The following ASAH2 variants were observed in gnomAD, a reference collection of about 807,000 sequenced individuals.
The protein encoded by ASAH2 is neutral ceramidase.
A neutral mutation model predicts 82.9 loss-of-function variants in ASAH2; 58 were observed. The observed-to-expected ratio is 0.70, with a 90% CI of 0.57 to 0.87. ASAH2 has a LOEUF of 0.87. Ranked by LOEUF, ASAH2 falls within the 40% of genes least tolerant of loss-of-function variation. The pLI, the probability that ASAH2 is intolerant of heterozygous loss-of-function variation, is 0.00. For missense variants in ASAH2, 779 were observed against 834.0 expected (o/e 0.93, Z 0.81); for synonymous variants, 276 against 289.7 (o/e 0.95, Z 0.48).
At chr10:50,205,249 T>A (rs1390428847) in intron 13 of ASAH2, among the ~76,000 whole-genome samples, 1 of 151,996 alleles carries the variant, frequency 6.6e-6, no homozygotes, top group East Asian at 1.9e-4. Context: ...ACACAATAAA[T>A]AAGGAATTCC....
chr10:50,200,314 A>C (rs1324146603), intron 16 of ASAH2, among the ~76,000 whole-genome samples: 1 of 151,072 alleles, frequency 6.6e-6, no homozygotes, highest in Non-Finnish European at 1.5e-5. Context: ...ATGCAAGACT[A>C]TCCATCAGCT....
intron 12 of ASAH2, among the ~76,000 whole-genome samples, chr10:50,210,039 C>G (rs1292012215): frequency 1.3e-5 from 2 of 151,988 alleles, no homozygotes; most frequent in Non-Finnish European, 2.9e-5. Flanking sequence ...TAGATATATA[C>G]CCAAGAGGAA....
In ASAH2 at chr10:50,248,624, C is replaced by T. The variant is rs1846535736; in HGVS notation, c.-14G>A. On this transcript the variant is annotated 5_prime_UTR_variant, in exon 2 of 21. Coordinates refer to ENST00000682911, the MANE Select transcript of ASAH2 (RefSeq NM_019893.4). ...GCGTTTGGCCATTTCTTCTCAGGTA[C>T]AGCAGAGATGGAAGAAGAAATACTG... 1 of 1,609,788 alleles carries T rather than the reference C, an allele frequency of 6.2e-7. No homozygotes were observed. Among genetic ancestry groups the T allele is most frequent in the South Asian group, 1.1e-5 (1 of 90,060 alleles).
chr10:50,233,780 T>C (rs1846074950), intron 6 of ASAH2, among the ~76,000 whole-genome samples: 1 of 152,142 alleles, frequency 6.6e-6, no homozygotes, highest in Admixed American at 6.6e-5. Flanking sequence ...ACTGTGGTAT[T>C]ATTTTACAGT....
intron 10 of ASAH2, among the ~76,000 whole-genome samples, chr10:50,211,861 G>T (rs887380036): frequency 2.6e-4 from 39 of 152,074 alleles, no homozygotes; most frequent in Admixed American, 1.2e-3. Context: ...AGCAAGACCA[G>T]CTGCAGCCTG....
intron 3 of ASAH2, among the ~76,000 whole-genome samples, 186 bp downstream of exon 3, chr10:50,245,036 T>A (rs1437448766): frequency 2.0e-5 from 3 of 152,076 alleles, no homozygotes; most frequent in Non-Finnish European, 4.4e-5. Flanking sequence ...ACAGGGGAGT[T>A]GTGATTGAAT....
At chr10:50,219,316 T>C (rs1207907481) in intron 7 of ASAH2, among the ~76,000 whole-genome samples, 1 of 152,202 alleles carries the variant, frequency 6.6e-6, no homozygotes, top group Non-Finnish European at 1.5e-5. Flanking sequence ...GTTACCTTAT[T>C]TGAACTTCAC....
In ASAH2 at chr10:50,187,116, TCTCACACACACA is replaced by T. The variant is rs1438453006; in HGVS notation, c.*187_*198del. ...CTCTCTCTCTCTCTCTCTCTCTCTCTCTCACACACACACACACACACACACACACACACACAC... is the reference window on the plus strand; with the variant it reads ...CTCTCTCTCTCTCTCTCTCTCTCTCTCACACACACACACACACACACACAC... On this transcript the variant is annotated 3_prime_UTR_variant, in exon 21 of 21. Transcript: ENST00000682911. 6.7e-3 allele frequency: 1,536 copies of T among 229,544 alleles called. 4 individuals carry two copies. Among genetic ancestry groups the T allele is most frequent in the African/African-American group, 0.053 (1,359 of 25,824 alleles). 14.2% of individuals were successfully genotyped at this position (229,544 alleles called of 1,614,324 possible). A position where few individuals can be genotyped will look rare whatever the true frequency, so the allele number is the denominator to read the frequency against.
intron 18 of ASAH2, among the ~76,000 whole-genome samples, chr10:50,193,916 TGATA>T (rs1844907169): frequency 6.6e-6 from 1 of 150,956 alleles, no homozygotes; most frequent in African/African-American, 2.4e-5. Context: ...ATTCCTAGAA[TGATA>T]CCAATTCCTA....
chr10:50,222,596 C>G (rs966498841), intron 7 of ASAH2, among the ~76,000 whole-genome samples: 82 of 152,002 alleles, frequency 5.4e-4, no homozygotes, highest in Middle Eastern at 3.2e-3. Flanking sequence ...CTTCTTTATT[C>G]CATTTATTTT....
chr10:50,241,735 C>T (rs562026341), intron 4 of ASAH2, among the ~76,000 whole-genome samples: 72 of 152,258 alleles, frequency 4.7e-4, no homozygotes, highest in African/African-American at 1.6e-3. Context: ...TCATGTCCTT[C>T]GCAGGGACAT....
intron 4 of ASAH2, among the ~76,000 whole-genome samples, chr10:50,240,715 T>C (rs1227851201): frequency 1.3e-5 from 2 of 152,254 alleles, no homozygotes; most frequent in Non-Finnish European, 2.9e-5. Flanking sequence ...TCTGTGTTCA[T>C]TCTGTTTCTT....
chr10:50,197,314 C>T (rs1845013329), intron 17 of ASAH2, among the ~76,000 whole-genome samples: 1 of 151,556 alleles, frequency 6.6e-6, no homozygotes, highest in East Asian at 1.9e-4. Flanking sequence ...GCCACTCTCA[C>T]CTGGAGTGAG....
intron 12 of ASAH2, among the ~76,000 whole-genome samples, chr10:50,208,993 T>C (rs1321985605): frequency 2.0e-5 from 3 of 152,196 alleles, no homozygotes; most frequent in Non-Finnish European, 4.4e-5. Context: ...CATAAAGCCA[T>C]GTGTCAACTA....
At chr10:50,197,273 A>G (rs1845012596) in intron 17 of ASAH2, among the ~76,000 whole-genome samples, 1 of 151,904 alleles carries the variant, frequency 6.6e-6, no homozygotes, top group Admixed American at 6.6e-5. Flanking sequence ...ATGACAGTGT[A>G]ATTATTATTT....
intron 7 of ASAH2, among the ~76,000 whole-genome samples, chr10:50,232,228 A>T (rs1846037275): frequency 1.3e-5 from 2 of 152,180 alleles, no homozygotes; most frequent in South Asian, 4.1e-4. Flanking sequence ...TTTTACTTAG[A>T]TATTTTATAA....
At chr10:50,231,479 T>G (rs901576716) in intron 7 of ASAH2, among the ~76,000 whole-genome samples, 1 of 152,166 alleles carries the variant, frequency 6.6e-6, no homozygotes, top group Non-Finnish European at 1.5e-5. Context: ...GGGATAGCAC[T>G]GCTGGTCATC....
intron 4 of ASAH2, among the ~76,000 whole-genome samples, chr10:50,241,000 G>A (rs1344255764): frequency 2.0e-5 from 3 of 152,228 alleles, no homozygotes; most frequent in East Asian, 1.9e-4. Flanking sequence ...GTCATACAAT[G>A]CACTGTAGCT....
rs1451864011 is a variant in ASAH2, at chr10:50,210,911, G to A, written c.1333-7C>T. The stretch of plus-strand genomic sequence containing the variant: ...CTGGTTTACATGTTTTTGACTAAAG[G>A]AAAAGTTTTAAAAACAAAACAAAAA... On this transcript the variant is annotated splice_region_variant and splice_polypyrimidine_tract_variant and intron_variant, in intron 11 of 20. Coordinates refer to ENST00000682911, the MANE Select transcript of ASAH2 (RefSeq NM_019893.4). The A allele has an allele frequency of 1.2e-6, 2 of 1,612,742 alleles. No homozygotes were observed. Among genetic ancestry groups the A allele is most frequent in the South Asian group, 2.2e-5 (2 of 91,040 alleles).
Sources: gnomAD v4.1 joint callset for allele counts (sites outside exome capture counted in the v4.1 genomes callset) on GRCh38, gnomAD v4.1.1 for gene constraint, MANE v1.5 for transcripts, NCBI Gene and HGNC (gene_info 2026-07-23, HGNC 2026-07-21) for gene names.